The following WWC1 variants were observed in gnomAD, a reference collection of about 807,000 sequenced individuals.
WWC1 encodes protein KIBRA.
A neutral mutation model predicts 138.4 loss-of-function variants in WWC1; 55 were observed. The ratio of observed to expected loss-of-function variants is 0.40; its 90% CI spans 0.32 to 0.50. The LOEUF (loss-of-function observed/expected upper bound fraction) is 0.50, where lower values mean the gene tolerates loss of function less well. Ranked by LOEUF, WWC1 falls within the 20% of genes least tolerant of loss-of-function variation. The pLI is 0.72. For synonymous variants in WWC1, 524 were observed against 564.9 expected, an observed-to-expected ratio of 0.93 and a Z score of 1.03; for missense variants, 1,226 against 1,420.4, an observed-to-expected ratio of 0.86 and a Z score of 2.20.
At chr5:168,340,551 A>G (rs954709266) in intron 1 of WWC1, among the ~76,000 whole-genome samples, 5 of 150,360 alleles carry the variant, frequency 3.3e-5, no homozygotes, top group African/African-American at 7.4e-5. Flanking sequence ...AATTTTGCCT[A>G]TCCTGGACAT....
At chr5:168,357,495 C>T (rs2337133) in intron 1 of WWC1, among the ~76,000 whole-genome samples, 224 of 96,418 alleles carry the variant, frequency 2.3e-3, no homozygotes, top group East Asian at 0.014. Flanking sequence ...TGTGTGTGTG[C>T]GCGCGCGCAC....
At chr5:168,428,919 T>C (rs1781729169) in intron 13 of WWC1, 132 bp downstream of exon 13, 1 of 806,842 alleles carries the variant, frequency 1.2e-6, no homozygotes, top group Non-Finnish European at 2.0e-6. Context: ...CTGCTGGCCA[T>C]TGCAGCTTCT....
At position 168,390,620 on chromosome 5, in the gene WWC1, G is replaced by A. The variant is rs73805114; in HGVS notation, c.433+5206G>A. Among the ~76,000 whole-genome samples, 1,427 of 152,308 alleles carry A rather than the reference G, an allele frequency of 9.4e-3. 27 individuals carry two copies. The highest frequency in any genetic ancestry group is 0.033 in the African/African-American group (1,352 of 41,556). ...TCTGTCTTCAAGTTTTACAAGCCAG[G>A]TTTGCCTTCCAAGTCAAGCTCTTGG... On this transcript the variant is annotated intron_variant, in intron 3 of 22. Transcript: ENST00000265293.
rs138207007 is a variant in WWC1, at chr5:168,455,226, A to G, written c.2659-130A>G. The G allele has an allele frequency of 4.2e-4, 509 of 1,214,280 alleles. 1 individual carries two copies. In the African/African-American group the frequency reaches 6.8e-3, roughly 16 times the overall value. The allele number at this position is 1,214,280 out of a possible 1,614,324, so 75.2% of individuals were successfully genotyped here. A position where few individuals can be genotyped will look rare whatever the true frequency, so the allele number is the denominator to read the frequency against. ...GAGCTCATCTAGCAGGGCTAATGCCAAGGAAACCCTGGTTGTGTCTGTGGG... is the reference window on the plus strand; with the variant it reads ...GAGCTCATCTAGCAGGGCTAATGCCGAGGAAACCCTGGTTGTGTCTGTGGG... On this transcript the variant is annotated intron_variant, in intron 18 of 22. Transcript: ENST00000265293.
chr5:168,430,052 C>A, intron 13 of WWC1, 85 bp from the exon 14 acceptor site: 3 of 1,116,400 alleles, frequency 2.7e-6, no homozygotes, highest in Non-Finnish European at 1.3e-6. Flanking sequence ...CCAACAGCCA[C>A]GTCCTGTGAC....
At chr5:168,333,214 G>A (rs1002498823) in intron 1 of WWC1, among the ~76,000 whole-genome samples, 2 of 152,076 alleles carry the variant, frequency 1.3e-5, no homozygotes, top group Non-Finnish European at 1.5e-5. Context: ...AAGAAACTAC[G>A]AATTCACTAA....
chr5:168,382,307 A>G (rs1359132443), intron 2 of WWC1, among the ~76,000 whole-genome samples: 1 of 152,236 alleles, frequency 6.6e-6, no homozygotes, highest in African/African-American at 2.4e-5. Flanking sequence ...TGTGTAAACA[A>G]AAATTCATGT....
chr5:168,315,961 A>G (rs1771550114), intron 1 of WWC1, among the ~76,000 whole-genome samples: 1 of 152,166 alleles, frequency 6.6e-6, no homozygotes, highest in Non-Finnish European at 1.5e-5. Context: ...GGGAGACTCC[A>G]TAGCTTGACA....
At chr5:168,323,728 G>T (rs1388266893) in intron 1 of WWC1, among the ~76,000 whole-genome samples, 2 of 152,102 alleles carry the variant, frequency 1.3e-5, no homozygotes, top group African/African-American at 4.8e-5. Context: ...AGACATAATG[G>T]CTGAAAAATT....
intron 15 of WWC1, among the ~76,000 whole-genome samples, chr5:168,441,192 A>T (rs574199569): frequency 6.6e-6 from 1 of 152,224 alleles, no homozygotes; most frequent in Non-Finnish European, 1.5e-5. Flanking sequence ...TATGATTCCA[A>T]TTATATGAGG....
intron 11 of WWC1, among the ~76,000 whole-genome samples, chr5:168,424,844 C>G (rs759669184): frequency 6.6e-6 from 1 of 152,200 alleles, no homozygotes. Context: ...TATGATCTGA[C>G]TCCCATTCTG....
intron 1 of WWC1, among the ~76,000 whole-genome samples, chr5:168,338,774 G>A (rs1244827576): frequency 1.3e-5 from 2 of 152,126 alleles, no homozygotes; most frequent in Non-Finnish European, 2.9e-5. Context: ...CATGTGGAAG[G>A]TACAAAAAGT....
intron 9 of WWC1, among the ~76,000 whole-genome samples, chr5:168,417,049 T>C (rs974516118): frequency 6.6e-6 from 1 of 152,054 alleles, no homozygotes; most frequent in Admixed American, 6.6e-5. Context: ...TGTATTTTAG[T>C]AGAGGTGGGG....
intron 1 of WWC1, among the ~76,000 whole-genome samples, chr5:168,368,601 TC>T (rs941846578): frequency 6.6e-6 from 1 of 152,102 alleles, no homozygotes; most frequent in Non-Finnish European, 1.5e-5. Context: ...CATGCCTGTT[TC>T]CCCACAGATT....
intron 1 of WWC1, among the ~76,000 whole-genome samples, chr5:168,339,675 T>A (rs2152775493): frequency 6.6e-6 from 1 of 152,324 alleles, no homozygotes; most frequent in African/African-American, 2.4e-5. Context: ...TAGCAGACTA[T>A]CCAGCACATA....
In WWC1 at chr5:168,423,777, G is replaced by T; in HGVS notation, c.1519G>T (p.Ala507Ser). The change falls in exon 11 of 23, where the codon GCC becomes TCC. Residue 507 changes from alanine (A) to serine (S), a missense_variant. This residue lies in a region of WWC1 where 1,016 missense variants were observed against 1,153.9 expected (regional missense o/e 0.88). Coordinates refer to ENST00000265293, the MANE Select transcript of WWC1 (RefSeq NM_015238.3). ...CACCACCATCCACGAGGATGAGGTG[G>T]CCAAGACCCAGAAGGCAGAGGGAGG... The part of the protein sequence containing the change: ...CITTIHEDEV[A>S]KTQKAEGGGR... The T allele has an allele frequency of 6.2e-7, 1 of 1,613,954 alleles. No homozygotes were observed. The highest frequency in any genetic ancestry group is 8.5e-7 in the Non-Finnish European group (1 of 1,179,904).
intron 1 of WWC1, among the ~76,000 whole-genome samples, chr5:168,339,901 C>T (rs575683131): frequency 2.9e-4 from 24 of 83,092 alleles, no homozygotes; most frequent in Admixed American, 5.7e-4. Context: ...CTCTGTCTCT[C>T]TCTCTTTCTC....
At position 168,388,662 on chromosome 5, in the gene WWC1, T is replaced by G. The variant is rs368967666; in HGVS notation, c.433+3248T>G. ...CTGGCCAACATGGTAAAATCTTCTC[T>G]CTTCTAAAAATACAAAAATTAGCTG... On this transcript the variant is annotated intron_variant, in intron 3 of 22. Transcript: ENST00000265293. 5.9e-4 allele frequency among the ~76,000 whole-genome samples: 89 copies of G among 152,064 alleles called. 2 individuals carry two copies. The South Asian group carries it at 0.013, about 22-fold the overall frequency.
At chr5:168,389,020 T>A (rs7715211) in intron 3 of WWC1, among the ~76,000 whole-genome samples, 80,462 of 151,948 alleles carry the variant, frequency 0.53, 22,179 homozygotes, top group African/African-American at 0.67. Flanking sequence ...GGAAAATATT[T>A]AAAATTCATG....
Sources: gnomAD v4.1 joint callset for allele counts (sites outside exome capture counted in the v4.1 genomes callset) on GRCh38, gnomAD v4.1.1 for gene constraint, gnomAD v4.1.1 regional missense constraint, MANE v1.5 for transcripts, NCBI Gene and HGNC (gene_info 2026-07-23, HGNC 2026-07-21) for gene names.